VPS13B: variants seen among roughly 807,000 people sequenced by gnomAD.
VPS13B encodes vacuolar protein sorting 13 homolog B, also known as intermembrane lipid transfer protein VPS13B.
Under a neutral mutation model 426.4 loss-of-function variants are expected in VPS13B, and 285 were observed. That is an observed-to-expected ratio of 0.67 (90% CI 0.61 to 0.74). The LOEUF (loss-of-function observed/expected upper bound fraction) is 0.74. Ranked by LOEUF, VPS13B falls within the 30% of genes least tolerant of loss-of-function variation. VPS13B has a pLI of 0.00. For missense variants in VPS13B, 4,537 were observed against 4,782.6 expected (o/e 0.95, Z 1.51); for synonymous variants, 1,676 against 1,676.4 (o/e 1.00, Z 0.01).
chr8:99,365,724 C>G (rs1400523954), intron 19 of VPS13B, among the ~76,000 whole-genome samples: 9 of 151,874 alleles, frequency 5.9e-5, no homozygotes, highest in Non-Finnish European at 8.8e-5. Context: ...ACCATATTGG[C>G]CAGGCTGGTC....
chr8:99,260,328 G>T (rs1817977418), intron 17 of VPS13B, among the ~76,000 whole-genome samples: 1 of 152,076 alleles, frequency 6.6e-6, no homozygotes, highest in African/African-American at 2.4e-5. Flanking sequence ...ATAGATGTGA[G>T]ATGTGAATCT....
chr8:99,454,751 CCAA>C (rs1818363429), intron 23 of VPS13B, among the ~76,000 whole-genome samples: 4 of 152,134 alleles, frequency 2.6e-5, no homozygotes, highest in Admixed American at 2.6e-4. Flanking sequence ...TGCATTCCCA[CCAA>C]CAATGAGTGG....
intron 29 of VPS13B, among the ~76,000 whole-genome samples, chr8:99,515,689 G>C (rs987972132): frequency 6.6e-6 from 1 of 151,474 alleles, no homozygotes; most frequent in African/African-American, 2.4e-5. Flanking sequence ...TTTGTGGCTT[G>C]GATGTATGTA....
Position 99,274,264 on chromosome 8 carries a change from G to A in VPS13B, c.2582G>A (p.Cys861Tyr), listed in dbSNP as rs776415294. ...GSIQNVELKY[C>Y]STSLVKCASG... ...ATCCAGAATGTTGAATTGAAGTACTGCAGCACATCATTGGTCAAATGTGCC... is the reference window on the plus strand; with the variant it reads ...ATCCAGAATGTTGAATTGAAGTACTACAGCACATCATTGGTCAAATGTGCC... The change falls in exon 18 of 62, where the codon TGC becomes TAC. Residue 861 changes from cysteine to tyrosine, a missense_variant. By Grantham distance (194) the Cys-to-Tyr change is radical. Coordinates refer to ENST00000357162, the MANE Select transcript of VPS13B (RefSeq NM_152564.5). 2 of 1,614,116 alleles carry A rather than the reference G, an allele frequency of 1.2e-6. No homozygotes were observed. The highest frequency in any genetic ancestry group is 1.7e-6 in the Non-Finnish European group (2 of 1,180,020).
intron 21 of VPS13B, among the ~76,000 whole-genome samples, chr8:99,415,194 G>T (rs1815927345): frequency 6.6e-6 from 1 of 151,312 alleles, no homozygotes; most frequent in Non-Finnish European, 1.5e-5. Context: ...CTGCTTGATT[G>T]ATTTGGCTAT....
chr8:99,819,560 TATA>T lies in VPS13B; in HGVS notation c.8775_8777del (p.Asn2925del). 2 of 1,613,758 alleles carry T rather than the reference TATA, an allele frequency of 1.2e-6. No homozygotes were observed. The highest frequency in any genetic ancestry group is 1.7e-6 in the Non-Finnish European group (2 of 1,179,824). On this transcript the variant is annotated inframe_deletion, in exon 48 of 62. Coordinates refer to ENST00000357162, the MANE Select transcript of VPS13B (RefSeq NM_152564.5). The stretch of plus-strand genomic sequence containing the variant: ...AAAGTCGCTTCAACCCATATGGCCC[TATA>T]ATAAGAAGGATTCTGACAGGTAATA...
chr8:99,702,809 A>G (rs1832338193), intron 36 of VPS13B, among the ~76,000 whole-genome samples: 1 of 152,150 alleles, frequency 6.6e-6, no homozygotes, highest in Non-Finnish European at 1.5e-5. Context: ...TTTATGTGAC[A>G]ATGTTATATA....
intron 19 of VPS13B, among the ~76,000 whole-genome samples, chr8:99,296,397 A>G (rs1241168539): frequency 6.6e-6 from 1 of 152,182 alleles, no homozygotes; most frequent in Non-Finnish European, 1.5e-5. Context: ...CTACATATTT[A>G]TATATAGGTA....
chr8:99,747,512 T>C (rs1342851243), intron 39 of VPS13B, among the ~76,000 whole-genome samples: 3 of 152,074 alleles, frequency 2.0e-5, no homozygotes, highest in African/African-American at 7.2e-5. Context: ...TATAATCTTA[T>C]ATTTTTCATT....
chr8:99,234,094 C>T (rs1254990417), intron 17 of VPS13B: 25 of 785,968 alleles, frequency 3.2e-5, no homozygotes, highest in Admixed American at 8.5e-5. Context: ...GCCCCCAGGG[C>T]GTGACCTTGC....
chr8:99,565,410 A>G (rs1825132045), intron 31 of VPS13B, among the ~76,000 whole-genome samples: 1 of 150,998 alleles, frequency 6.6e-6, no homozygotes, highest in East Asian at 1.9e-4. Context: ...TGTTGTTACT[A>G]TGTTTGCTTA....
At position 99,823,962 on chromosome 8, in the gene VPS13B, C is replaced by A; in HGVS notation, c.9314C>A (p.Pro3105His). 5.6e-6 allele frequency: 9 copies of A among 1,612,650 alleles called. No individual in the cohort carries two copies. Among genetic ancestry groups the A allele is most frequent in the Non-Finnish European group, 6.8e-6 (8 of 1,179,830 alleles). Reference sequence around the variant, plus strand: ...AAACCACAGCTATCTGTCTGCAATCCCCATTCTGGAAAGGAGGTAAGCAAA... The same window carrying A: ...AAACCACAGCTATCTGTCTGCAATCACCATTCTGGAAAGGAGGTAAGCAAA... ...FYKPQLSVCN[P>H]HSGKEYFRVP... Residue 3105 changes from proline to histidine, a missense_variant, in exon 51 of 62, where the codon CCC (proline) becomes CAC (histidine). Physicochemically the swap from Pro to His is moderately conservative, Grantham distance 77 (BLOSUM62 -2). Coordinates refer to ENST00000357162, the MANE Select transcript of VPS13B (RefSeq NM_152564.5).
intron 16 of VPS13B, among the ~76,000 whole-genome samples, chr8:99,180,882 A>G (rs995046773): frequency 6.6e-6 from 1 of 152,144 alleles, no homozygotes; most frequent in Non-Finnish European, 1.5e-5. Context: ...AACAATGTAG[A>G]ATTAACCATC....
At chr8:99,326,115 T>C (rs1277760289) in intron 19 of VPS13B, among the ~76,000 whole-genome samples, 1 of 152,120 alleles carries the variant, frequency 6.6e-6, no homozygotes, top group Non-Finnish European at 1.5e-5. Flanking sequence ...CCTTCTATTC[T>C]GTGCACAGAA....
intron 2 of VPS13B, among the ~76,000 whole-genome samples, chr8:99,018,489 T>C (rs1841728654): frequency 6.6e-6 from 1 of 152,252 alleles, no homozygotes; most frequent in Non-Finnish European, 1.5e-5. Context: ...CCAACTTGTC[T>C]AACAGTTTTT....
intron 2 of VPS13B, among the ~76,000 whole-genome samples, chr8:99,032,862 C>T (rs923622135): frequency 2.0e-5 from 3 of 151,888 alleles, no homozygotes; most frequent in African/African-American, 7.3e-5. Flanking sequence ...TTTGTGATTG[C>T]TTGGGGGATT....
At chr8:99,372,078 C>T (rs1039461850) in intron 19 of VPS13B, among the ~76,000 whole-genome samples, 8 of 151,652 alleles carry the variant, frequency 5.3e-5, no homozygotes, top group South Asian at 4.2e-4. Flanking sequence ...GGTGAAACCC[C>T]GTCTCTACTA....
chr8:99,086,502 G>C (rs1376713732), intron 3 of VPS13B, among the ~76,000 whole-genome samples: 1 of 152,170 alleles, frequency 6.6e-6, no homozygotes, highest in Non-Finnish European at 1.5e-5. Context: ...TTGCTGGTGA[G>C]GAGCTGCGTT....
chr8:99,766,110 C>T (rs1811211517), intron 39 of VPS13B, among the ~76,000 whole-genome samples: 2 of 105,346 alleles, frequency 1.9e-5, no homozygotes, highest in South Asian at 6.8e-4. Context: ...GATTCTTGCT[C>T]TGTCGCCCAG....
Sources: gnomAD v4.1 joint callset for allele counts (sites outside exome capture counted in the v4.1 genomes callset) on GRCh38, gnomAD v4.1.1 for gene constraint, MANE v1.5 for transcripts, NCBI Gene and HGNC (gene_info 2026-07-23, HGNC 2026-07-21) for gene names.